CFDP1: variants seen among roughly 807,000 people sequenced by gnomAD.
CFDP1 encodes the protein chromatin remodeling protein CFDP1.
CFDP1 carries 31 observed loss-of-function variants against 40.1 expected under a neutral mutation model. The ratio of observed to expected loss-of-function variants is 0.77; its 90% CI spans 0.58 to 1.04. The LOEUF (loss-of-function observed/expected upper bound fraction) is 1.04. Ranked by LOEUF, CFDP1 falls within the 50% of genes least tolerant of loss-of-function variation. The pLI is 0.00. For synonymous variants in CFDP1, 167 were observed against 120.0 expected (o/e 1.39, Z -2.56); for missense variants, 423 against 343.4 (o/e 1.23, Z -1.83).
At position 75,356,306 on chromosome 16, in the gene CFDP1, G is replaced by A. The variant is rs560421655; in HGVS notation, c.650+38784C>T. Among the ~76,000 whole-genome samples the A allele has an allele frequency of 5.9e-5, 9 of 152,302 alleles. No individual in the cohort carries two copies. In the East Asian group the frequency reaches 1.7e-3, roughly 29 times the overall value. Reference sequence around the variant, plus strand: ...GAAATTACTTCTTGATCCATGGGCTGCAGAATGGATGTTAACAGTAAACAA... The same window carrying A: ...GAAATTACTTCTTGATCCATGGGCTACAGAATGGATGTTAACAGTAAACAA... On this transcript the variant is annotated intron_variant, in intron 5 of 6. Transcript: ENST00000283882.
intron 1 of CFDP1, among the ~76,000 whole-genome samples, chr16:75,424,657 G>A (rs2079315659): frequency 6.6e-6 from 1 of 151,916 alleles, no homozygotes; most frequent in East Asian, 1.9e-4. Context: ...GGGAGGCTGA[G>A]GCAGAAGAAT....
At chr16:75,296,662 G>A (rs2078184539) in intron 6 of CFDP1, among the ~76,000 whole-genome samples, 1 of 152,240 alleles carries the variant, frequency 6.6e-6, no homozygotes, top group Admixed American at 6.5e-5. Flanking sequence ...GTGAAGCCCA[G>A]GTTGGGTGCT....
intron 1 of CFDP1, among the ~76,000 whole-genome samples, chr16:75,416,393 T>C (rs1191376967): frequency 2.6e-5 from 4 of 151,252 alleles, no homozygotes; most frequent in African/African-American, 9.7e-5. Context: ...AAAATAAGAC[T>C]TTTAAAATAA....
intron 1 of CFDP1, among the ~76,000 whole-genome samples, chr16:75,432,263 C>A (rs1431968717): frequency 6.9e-6 from 1 of 145,674 alleles, no homozygotes; most frequent in Admixed American, 7.0e-5. Flanking sequence ...AGCCGGGGCG[C>A]GGTGGCTCAT....
intron 1 of CFDP1, among the ~76,000 whole-genome samples, chr16:75,428,558 A>T (rs763929809): frequency 6.6e-6 from 1 of 152,018 alleles, no homozygotes; most frequent in African/African-American, 2.4e-5. Context: ...CGGAAGTTGC[A>T]GTGAGCCGAG....
rs116908088 is a variant in CFDP1, at chr16:75,433,484, A to T, written c.-132T>A. ...AGGGCGGCCCCCGACAGCGCTTTGC[A>T]CATGCGCAGAGAGTACTACGTGGTT... On this transcript the variant is annotated 5_prime_UTR_variant, in exon 1 of 7. Transcript: ENST00000283882. The T allele has an allele frequency of 8.0e-3, 6,237 of 778,930 alleles. 62 individuals are homozygous for T. The highest frequency in any genetic ancestry group is 0.015 in the South Asian group (927 of 63,858). The allele number at this position is 778,930 out of a possible 1,614,324, so 48.3% of individuals were successfully genotyped here. A position where few individuals can be genotyped will look rare whatever the true frequency, so the allele number is the denominator to read the frequency against.
At chr16:75,428,562 A>G (rs62062595) in intron 1 of CFDP1, among the ~76,000 whole-genome samples, 24,522 of 151,854 alleles carry the variant, frequency 0.16, 2,152 homozygotes, top group East Asian at 0.42. Context: ...AGTTGCAGTG[A>G]GCCGAGATTG....
chr16:75,352,060 G>A (rs998464946), intron 5 of CFDP1, among the ~76,000 whole-genome samples: 1 of 143,914 alleles, frequency 6.9e-6, no homozygotes, highest in Non-Finnish European at 1.5e-5. Context: ...GAATTTATTC[G>A]CTGGGTGCTG....
In CFDP1 at chr16:75,401,433, A is replaced by G. The variant is rs1216009939; in HGVS notation, c.531-6224T>C. 1.9e-4 allele frequency among the ~76,000 whole-genome samples: 29 copies of G among 150,370 alleles called. No individual in the cohort carries two copies. In the South Asian group the frequency reaches 5.5e-3, roughly 29 times the overall value. ...ACAAAGTTAAGACTCCGTCTCAAAAAAAAAAAAAAAAAAAAAATTAGCTGG... is the reference window on the plus strand; with the variant it reads ...ACAAAGTTAAGACTCCGTCTCAAAAGAAAAAAAAAAAAAAAAATTAGCTGG... On this transcript the variant is annotated intron_variant, in intron 4 of 6. Coordinates refer to ENST00000283882, the MANE Select transcript of CFDP1 (RefSeq NM_006324.3).
intron 5 of CFDP1, among the ~76,000 whole-genome samples, chr16:75,371,675 C>G (rs1040980360): frequency 6.6e-6 from 1 of 152,100 alleles, no homozygotes; most frequent in African/African-American, 2.4e-5. Flanking sequence ...GAGAACCTCT[C>G]AAGTGTTTTG....
intron 1 of CFDP1, among the ~76,000 whole-genome samples, chr16:75,426,666 ACT>A (rs1218491707): frequency 7.2e-5 from 11 of 151,820 alleles, no homozygotes; most frequent in Admixed American, 3.3e-4. Context: ...ACAGAGCAAG[ACT>A]CTGTTTCAAA....
Position 75,433,402 on chromosome 16 carries a change from TC to T in CFDP1, c.-51del, listed in dbSNP as rs748154860. On this transcript the variant is annotated 5_prime_UTR_variant, in exon 1 of 7. An upstream open reading frame in the 5' UTR loses its in-frame stop. Coordinates refer to ENST00000283882, the MANE Select transcript of CFDP1 (RefSeq NM_006324.3). ...AACTCACAAGACCGCAGCAGCCGCC[TC>T]CAACGGCAAAGCTCTAGGGAGAGAC... 2.6e-6 allele frequency: 4 copies of T among 1,538,226 alleles called. No homozygotes were observed. In the East Asian group the frequency reaches 9.6e-5, roughly 37 times the overall value.
At chr16:75,320,307 T>C (rs2078353567) in intron 5 of CFDP1, among the ~76,000 whole-genome samples, 2 of 152,290 alleles carry the variant, frequency 1.3e-5, no homozygotes, top group South Asian at 2.1e-4. Context: ...TGGGTCATAA[T>C]GTAAAACGTG....
At chr16:75,384,395 A>T (rs2078875801) in intron 5 of CFDP1, among the ~76,000 whole-genome samples, 1 of 152,134 alleles carries the variant, frequency 6.6e-6, no homozygotes, top group Non-Finnish European at 1.5e-5. Context: ...AAAATTTTAA[A>T]CCACCACACA....
At chr16:75,421,250 C>G (rs983683907) in intron 1 of CFDP1, among the ~76,000 whole-genome samples, 3 of 152,016 alleles carry the variant, frequency 2.0e-5, no homozygotes, top group Non-Finnish European at 4.4e-5. Context: ...CCTGTTCCCC[C>G]TTTTTTCCCT....
intron 6 of CFDP1, among the ~76,000 whole-genome samples, chr16:75,302,708 G>A (rs1169211224): frequency 1.3e-5 from 2 of 152,182 alleles, no homozygotes; most frequent in African/African-American, 2.4e-5. Flanking sequence ...ACAGAGCTGC[G>A]AGTTACTGGA....
intron 5 of CFDP1, among the ~76,000 whole-genome samples, chr16:75,375,981 A>G (rs1337145897): frequency 6.6e-6 from 1 of 152,154 alleles, no homozygotes; most frequent in Admixed American, 6.6e-5. Flanking sequence ...GGGAGGCTGC[A>G]GCAGGAGGAC....
intron 5 of CFDP1, among the ~76,000 whole-genome samples, chr16:75,390,634 T>C (rs2078940461): frequency 6.6e-6 from 1 of 152,220 alleles, no homozygotes; most frequent in Non-Finnish European, 1.5e-5. Context: ...TTAACAAGTG[T>C]CAGAATATTC....
At chr16:75,416,065 C>A (rs1231239669) in intron 1 of CFDP1, among the ~76,000 whole-genome samples, 1 of 152,100 alleles carries the variant, frequency 6.6e-6, no homozygotes, top group Admixed American at 6.6e-5. Context: ...GTTGGCCAGG[C>A]TGGTTTTGAA....
Sources: gnomAD v4.1 joint callset for allele counts (sites outside exome capture counted in the v4.1 genomes callset) on GRCh38, gnomAD v4.1.1 for gene constraint, MANE v1.5 for transcripts, NCBI Gene and HGNC (gene_info 2026-07-23, HGNC 2026-07-21) for gene names.